Variants in CTNND2 observed in about 807,000 individuals in gnomAD.
CTNND2 encodes the protein catenin delta-2.
CTNND2 carries 22 observed loss-of-function variants against 144.4 expected under a neutral mutation model. The observed-to-expected ratio is 0.15, with a 90% CI of 0.11 to 0.22. The LOEUF is 0.22. Among genes scored for constraint, CTNND2 ranks in the 10% least tolerant of loss-of-function variants. CTNND2 has a pLI of 1.00. For missense variants in CTNND2, 1,353 were observed against 1,618.8 expected (o/e 0.84, Z 2.82); for synonymous variants, 751 against 695.6 (o/e 1.08, Z -1.25).
intron 10 of CTNND2, among the ~76,000 whole-genome samples, chr5:11,215,174 A>T (rs1739045395): frequency 1.3e-5 from 2 of 152,146 alleles, no homozygotes; most frequent in Admixed American, 1.3e-4. Context: ...CTGTCAGGAG[A>T]AGTATCATAT....
intron 2 of CTNND2, among the ~76,000 whole-genome samples, chr5:11,622,949 G>T (rs1167198850): frequency 1.3e-5 from 2 of 152,006 alleles, no homozygotes; most frequent in Non-Finnish European, 2.9e-5. Context: ...AGTCTACTAT[G>T]ACTATATCCT....
chr5:11,103,196 G>C (rs1752089622), intron 14 of CTNND2, among the ~76,000 whole-genome samples: 1 of 151,402 alleles, frequency 6.6e-6, no homozygotes, highest in Admixed American at 6.6e-5. Context: ...TGGCCTGGCT[G>C]GTCTTGAACT....
chr5:11,900,169 C>T (rs1443735593), intron 1 of CTNND2, among the ~76,000 whole-genome samples: 1 of 152,142 alleles, frequency 6.6e-6, no homozygotes, highest in Non-Finnish European at 1.5e-5. Context: ...TTCTAGGAAG[C>T]ATTGTTTCAC....
chr5:11,374,472 C>T (rs182250130), intron 7 of CTNND2, among the ~76,000 whole-genome samples: 39 of 152,248 alleles, frequency 2.6e-4, no homozygotes, highest in Admixed American at 2.3e-3. Context: ...CCAGAGTCTT[C>T]ACCACCACAA....
At chr5:11,540,393 C>T (rs1237652235) in intron 3 of CTNND2, among the ~76,000 whole-genome samples, 1 of 152,210 alleles carries the variant, frequency 6.6e-6, no homozygotes, top group Non-Finnish European at 1.5e-5. Context: ...CTCCCTTACT[C>T]CTTGTGAGTA....
intron 12 of CTNND2, among the ~76,000 whole-genome samples, chr5:11,133,843 A>G (rs1171778741): frequency 3.3e-5 from 5 of 152,250 alleles, no homozygotes; most frequent in African/African-American, 1.2e-4. Flanking sequence ...AGGCTGCCAT[A>G]GTACCGATAT....
intron 9 of CTNND2, among the ~76,000 whole-genome samples, chr5:11,250,884 C>A (rs969474171): frequency 2.6e-5 from 4 of 152,036 alleles, no homozygotes; most frequent in African/African-American, 9.7e-5. Flanking sequence ...TTTGACTACA[C>A]CATAAAGACT....
At chr5:11,389,445 G>T (rs1353374796) in intron 6 of CTNND2, among the ~76,000 whole-genome samples, 1 of 152,060 alleles carries the variant, frequency 6.6e-6, no homozygotes, top group East Asian at 1.9e-4. Context: ...TTTCAGATGG[G>T]TCAGATTTAG....
At chr5:11,024,295 A>G (rs1165627725) in intron 16 of CTNND2, among the ~76,000 whole-genome samples, 1 of 152,194 alleles carries the variant, frequency 6.6e-6, no homozygotes, top group Admixed American at 6.5e-5. Flanking sequence ...GAAATAGAAA[A>G]GTGTGTTCAT....
chr5:11,090,130 C>A (rs1750613395), intron 15 of CTNND2, among the ~76,000 whole-genome samples: 1 of 152,200 alleles, frequency 6.6e-6, no homozygotes, highest in African/African-American at 2.4e-5. Flanking sequence ...ACCTTTGACT[C>A]AGGGCTTATG....
intron 2 of CTNND2, among the ~76,000 whole-genome samples, chr5:11,671,738 G>A (rs1331696371): frequency 1.3e-5 from 2 of 151,872 alleles, no homozygotes; most frequent in Non-Finnish European, 1.5e-5. Context: ...CCTTTAGCTT[G>A]GAGGAGTTTG....
chr5:11,831,176 T>C (rs576523134), intron 1 of CTNND2, among the ~76,000 whole-genome samples: 2 of 151,448 alleles, frequency 1.3e-5, no homozygotes, highest in South Asian at 4.2e-4. Flanking sequence ...CATATATTTA[T>C]GTAGAAACTA....
intron 7 of CTNND2, among the ~76,000 whole-genome samples, chr5:11,368,096 A>G (rs923401853): frequency 2.6e-5 from 4 of 152,170 alleles, no homozygotes; most frequent in African/African-American, 9.7e-5. Context: ...CAGCTGAAAC[A>G]TGGGTACTTG....
chr5:10,984,740 T>A (rs1481558929), intron 20 of CTNND2, among the ~76,000 whole-genome samples: 1 of 151,988 alleles, frequency 6.6e-6, no homozygotes, highest in Non-Finnish European at 1.5e-5. Flanking sequence ...AATACCCAAT[T>A]CCCAACTGAA....
intron 9 of CTNND2, among the ~76,000 whole-genome samples, chr5:11,323,659 T>A (rs2051653848): frequency 6.6e-6 from 1 of 152,222 alleles, no homozygotes; most frequent in African/African-American, 2.4e-5. Context: ...ATGTTGGGTT[T>A]GAGATGTCTG....
chr5:10,975,909 C>T (rs1046639053), intron 21 of CTNND2, among the ~76,000 whole-genome samples: 53 of 152,188 alleles, frequency 3.5e-4, no homozygotes, highest in African/African-American at 1.3e-3. Flanking sequence ...TTGTCATGTT[C>T]TCTCTGGTTG....
At chr5:11,373,265 CAG>C (rs1411298429) in intron 7 of CTNND2, among the ~76,000 whole-genome samples, 1 of 152,086 alleles carries the variant, frequency 6.6e-6, no homozygotes, top group Non-Finnish European at 1.5e-5. Context: ...TTTTTTAAGA[CAG>C]GGTCTCACTA....
intron 1 of CTNND2, among the ~76,000 whole-genome samples, chr5:11,865,147 G>C (rs931987593): frequency 6.6e-6 from 1 of 151,962 alleles, no homozygotes; most frequent in African/African-American, 2.4e-5. Flanking sequence ...CGCGTGCCTC[G>C]GCCTCCCAAA....
intron 1 of CTNND2, among the ~76,000 whole-genome samples, chr5:11,890,977 G>T (rs536090591): frequency 3.5e-4 from 53 of 152,278 alleles, no homozygotes; most frequent in African/African-American, 1.2e-3. Context: ...GCCCTAGGAC[G>T]GCTGTAGGAA....
Sources: gnomAD v4.1 joint callset for allele counts (sites outside exome capture counted in the v4.1 genomes callset) on GRCh38, gnomAD v4.1.1 for gene constraint, MANE v1.5 for transcripts, NCBI Gene and HGNC (gene_info 2026-07-23, HGNC 2026-07-21) for gene names.